Variants in KCNG2 observed in about 807,000 individuals in gnomAD.
KCNG2 encodes potassium voltage-gated channel modifier subfamily G member 2.
In KCNG2, 7 loss-of-function variants were observed where a neutral mutation model predicts 12.3. The ratio of observed to expected loss-of-function variants is 0.57; its 90% CI spans 0.32 to 1.07. KCNG2 has a LOEUF of 1.07. Among genes scored for constraint, KCNG2 ranks in the 50% least tolerant of loss-of-function variants. The probability of loss-of-function intolerance (pLI) is 0.04; values close to 1 mark genes in which losing one functional copy is unlikely to be tolerated. For synonymous variants in KCNG2, 414 were observed against 351.4 expected, an observed-to-expected ratio of 1.18 and a Z score of -1.99; for missense variants, 703 against 726.0, an observed-to-expected ratio of 0.97 and a Z score of 0.36.
chr18:79,882,875 G>A (rs1253477939), intron 3 of KCNG2, among the ~76,000 whole-genome samples: 2 of 146,658 alleles, frequency 1.4e-5, no homozygotes, highest in African/African-American at 5.4e-5. Context: ...ACACCTGCGC[G>A]TGGAGCGCGG....
chr18:79,891,482 C>T (rs1333581075), intron 3 of KCNG2, among the ~76,000 whole-genome samples: 2 of 152,122 alleles, frequency 1.3e-5, no homozygotes, highest in Non-Finnish European at 2.9e-5. Context: ...CCTCCTGCCT[C>T]GGCCTCCCAA....
intron 3 of KCNG2, among the ~76,000 whole-genome samples, chr18:79,890,145 A>G (rs1053481773): frequency 1.3e-5 from 2 of 152,040 alleles, no homozygotes; most frequent in Admixed American, 1.3e-4. Context: ...ATCTTTTAAC[A>G]TCGGTATTCA....
At chr18:79,878,726 C>T (rs1980177234) in intron 3 of KCNG2, among the ~76,000 whole-genome samples, 1 of 152,200 alleles carries the variant, frequency 6.6e-6, no homozygotes, top group Non-Finnish European at 1.5e-5. Context: ...CTTCTTGAAC[C>T]CAACTGAAAT....
chr18:79,852,399 C>T (rs1251560533), intron 1 of KCNG2, among the ~76,000 whole-genome samples: 1 of 152,248 alleles, frequency 6.6e-6, no homozygotes, highest in African/African-American at 2.4e-5. Flanking sequence ...TCTGTAATAT[C>T]AAAGCATGTC....
At chr18:79,891,044 TTC>T (rs1980726757) in intron 3 of KCNG2, among the ~76,000 whole-genome samples, 1 of 152,314 alleles carries the variant, frequency 6.6e-6, no homozygotes, top group East Asian at 1.9e-4. Flanking sequence ...GGGTTTTGTC[TTC>T]TGTTTCATTA....
At chr18:79,837,075 G>C (rs1568251566) in intron 1 of KCNG2, among the ~76,000 whole-genome samples, 1 of 152,186 alleles carries the variant, frequency 6.6e-6, no homozygotes, top group Non-Finnish European at 1.5e-5. Context: ...AAGCAAGTTA[G>C]ATACTTCCAA....
chr18:79,823,856 G>C (rs146661291), intron 1 of KCNG2, among the ~76,000 whole-genome samples: 3 of 152,292 alleles, frequency 2.0e-5, no homozygotes, highest in African/African-American at 4.8e-5. Flanking sequence ...ACAGCGCCAA[G>C]TCTCCTGTCC....
intron 3 of KCNG2, among the ~76,000 whole-genome samples, chr18:79,894,551 G>T (rs1180777351): frequency 6.6e-6 from 1 of 152,136 alleles, no homozygotes; most frequent in Admixed American, 6.5e-5. Context: ...CATAACGATT[G>T]ATATAGTTGG....
intron 1 of KCNG2, among the ~76,000 whole-genome samples, chr18:79,809,279 G>A (rs1252804450): frequency 1.5e-5 from 1 of 66,540 alleles, no homozygotes; most frequent in African/African-American, 6.5e-5. Context: ...AGGAGCTGCC[G>A]GGGACACACT....
intron 1 of KCNG2, among the ~76,000 whole-genome samples, chr18:79,845,435 C>T (rs1213937503): frequency 6.6e-6 from 1 of 152,020 alleles, no homozygotes; most frequent in Non-Finnish European, 1.5e-5. Flanking sequence ...CAAGGGTGCC[C>T]GTGTATTTTC....
At chr18:79,865,595 GAA>G (rs1979468501) in intron 3 of KCNG2, among the ~76,000 whole-genome samples, 1 of 141,318 alleles carries the variant, frequency 7.1e-6, no homozygotes, top group Admixed American at 7.1e-5. Flanking sequence ...TCTGGGTGCT[GAA>G]AGTTCTGTGT....
intron 3 of KCNG2, among the ~76,000 whole-genome samples, chr18:79,870,956 G>T (rs9953678): frequency 0.015 from 2,267 of 152,250 alleles, 60 homozygotes; most frequent in African/African-American, 0.052. Flanking sequence ...AGCTCACCCG[G>T]TCCTGGAGGC....
intron 1 of KCNG2, among the ~76,000 whole-genome samples, chr18:79,826,829 GGTTA>G (rs926486292): frequency 3.9e-5 from 6 of 151,944 alleles, no homozygotes; most frequent in Non-Finnish European, 8.8e-5. Flanking sequence ...CCTCACGGAA[GGTTA>G]GTTCGGCGCG....
intron 3 of KCNG2, among the ~76,000 whole-genome samples, chr18:79,865,310 TGAGGTCTGGGTGCTGA>T (rs1312607008): frequency 0.086 from 9,389 of 108,826 alleles, 534 homozygotes; most frequent in Non-Finnish European, 0.12. Flanking sequence ...GTCTGGGTGC[TGAGGTCTGGGTGCTGA>T]GAGGTCTGGG....
chr18:79,849,469 G>A (rs926654746), intron 1 of KCNG2, among the ~76,000 whole-genome samples: 12 of 152,318 alleles, frequency 7.9e-5, no homozygotes, highest in East Asian at 1.9e-4. Context: ...CCTCATCCGG[G>A]GCAAGGTCGT....
chr18:79,828,639 GTGTGTATGTC>G (rs1370667013), intron 1 of KCNG2, among the ~76,000 whole-genome samples: 1 of 151,972 alleles, frequency 6.6e-6, no homozygotes, highest in Admixed American at 6.6e-5. Flanking sequence ...TCATGTGTCT[GTGTGTATGTC>G]TGTGTGTGCC....
chr18:79,864,125 G>A lies in KCNG2; in HGVS notation c.458G>A (p.Arg153Gln). The change falls in exon 3 of 4, where the codon CGG becomes CAG. Residue 153 changes from arginine to glutamine, a missense_variant. Arg to Gln is a conservative substitution (Grantham distance 43). Transcript: ENST00000316249. ...AGCCCGGCGCGCGCCCTGGGACCTC[G>A]GGGGCGGCTGCAGCGCGGCCGGCGG... ...QGSPARALGP[R>Q]GRLQRGRRRL... 7.9e-7 allele frequency: 1 copy of A among 1,269,818 alleles called. No homozygotes were observed. Among genetic ancestry groups the A allele is most frequent in the Non-Finnish European group, 9.9e-7 (1 of 1,006,728 alleles). The allele number at this position is 1,269,818 out of a possible 1,614,324, so 78.7% of individuals were successfully genotyped here.
chr18:79,829,856 C>T (rs1978290951), intron 1 of KCNG2, among the ~76,000 whole-genome samples: 1 of 152,222 alleles, frequency 6.6e-6, no homozygotes, highest in Non-Finnish European at 1.5e-5. Context: ...GGGTGTGATA[C>T]TCCCATCTGT....
chr18:79,815,598 C>T (rs935502510), intron 1 of KCNG2, among the ~76,000 whole-genome samples: 9 of 152,222 alleles, frequency 5.9e-5, no homozygotes, highest in Non-Finnish European at 1.3e-4. Context: ...GACGTGACCT[C>T]GCTCTAGAGC....
Sources: allele counts gnomAD v4.1 joint callset (sites outside exome capture counted in the v4.1 genomes callset), GRCh38; gene constraint gnomAD v4.1.1; transcripts MANE v1.5; gene names NCBI Gene and HGNC (gene_info 2026-07-23, HGNC 2026-07-21).